PDE6A: variants seen among roughly 807,000 people sequenced by gnomAD.
PDE6A encodes the protein rod cGMP-specific 3',5'-cyclic phosphodiesterase subunit alpha.
Under a neutral mutation model 106.3 loss-of-function variants are expected in PDE6A, and 84 were observed. The observed-to-expected ratio is 0.79, with a 90% confidence interval of 0.66 to 0.95. The LOEUF (loss-of-function observed/expected upper bound fraction) is 0.95. Among genes scored for constraint, PDE6A ranks in the 40% least tolerant of loss-of-function variants. PDE6A has a pLI of 0.00. For synonymous variants in PDE6A, 394 were observed against 386.6 expected (o/e 1.02, Z -0.23); for missense variants, 1,052 against 1,084.9 (o/e 0.97, Z 0.43).
intron 17 of PDE6A, among the ~76,000 whole-genome samples, chr5:149,875,835 T>C (rs1760719187): frequency 6.6e-6 from 1 of 152,192 alleles, no homozygotes; most frequent in Admixed American, 6.5e-5. Flanking sequence ...TTACCCACAA[T>C]AAAAGCACAT....
intron 13 of PDE6A, among the ~76,000 whole-genome samples, chr5:149,889,031 T>TGA (rs992375660): frequency 1.5e-5 from 2 of 135,336 alleles, no homozygotes; most frequent in African/African-American, 5.9e-5. Context: ...TGCAATGAGC[T>TGA]GAGATGTGCC....
rs896643767 is a variant in PDE6A at position 149,876,349 on chromosome 5, CTTTTTTTTT to C, written c.2135+7071_2135+7079del. The stretch of plus-strand genomic sequence containing the variant: ...CACCTATTTTTTGCCCATTTTTCCT[CTTTTTTTTT>C]TTTTTTTTTTTTTAACCAGAGTCTC... On this transcript the variant is annotated intron_variant, in intron 17 of 21. Transcript: ENST00000255266. Among the ~76,000 whole-genome samples, 7 of 120,128 alleles carry C rather than the reference CTTTTTTTTT, an allele frequency of 5.8e-5. No homozygotes were observed. The South Asian group carries it at 1.3e-3, about 23-fold the overall frequency. The allele number at this position is 120,128 out of a possible 152,430, so 78.8% of individuals were successfully genotyped here. A position where few individuals can be genotyped will look rare whatever the true frequency, so the allele number is the denominator to read the frequency against.
chr5:149,876,721 G>A (rs549352698), intron 17 of PDE6A, among the ~76,000 whole-genome samples: 3 of 152,196 alleles, frequency 2.0e-5, no homozygotes, highest in African/African-American at 7.2e-5. Flanking sequence ...CCCCAGGCTG[G>A]TCTTGAACCT....
intron 3 of PDE6A, 35 bp downstream of exon 3, chr5:149,933,895 G>C: frequency 2.7e-6 from 4 of 1,463,274 alleles, no homozygotes; most frequent in Non-Finnish European, 3.8e-6. Flanking sequence ...GGGAAAGGAC[G>C]AGTCAAGTCC....
intron 4 of PDE6A, among the ~76,000 whole-genome samples, chr5:149,929,257 A>G (rs1007363210): frequency 6.6e-6 from 1 of 152,232 alleles, no homozygotes. Context: ...TAGATTGTAC[A>G]TATGATGGAA....
chr5:149,944,450 T>G lies in PDE6A; in HGVS notation c.224A>C (p.Glu75Ala). Residue 75 changes from glutamate (E) to alanine (A), a missense_variant, in exon 1 of 22, where the codon GAG becomes GCG. This residue lies in a region of PDE6A where 913 missense variants were observed against 915.2 expected (regional missense o/e 1.00). Transcript: ENST00000255266. ...CTTCATGACATTGAAGATGCATTTCTCTGTCTGTAAATTCTCCTGAAAGTC... is the reference window on the plus strand; with the variant it reads ...CTTCATGACATTGAAGATGCATTTCGCTGTCTGTAAATTCTCCTGAAAGTC... The part of the protein sequence containing the change: ...LRDFQENLQT[E>A]KCIFNVMKKL... The G allele has an allele frequency of 6.2e-7, 1 of 1,614,150 alleles. No individual in the cohort carries two copies.
chr5:149,886,355 T>C lies in PDE6A; in HGVS notation c.1748A>G (p.Tyr583Cys), dbSNP rs770071916. ...GGCCAAGGCCTCTAGGTCCGTGAAG[T>C]AGCGCTTCAGCTTTCCCGTCTGGAA... ...SLLVTGKLKR[Y>C]FTDLEALAMV... The change falls in exon 14 of 22, where the codon TAC becomes TGC. Residue 583 changes from tyrosine to cysteine, a missense_variant. Physicochemically the swap from Tyr to Cys is radical, Grantham distance 194. This residue lies in a region of PDE6A where 913 missense variants were observed against 915.2 expected (regional missense o/e 1.00). Transcript: ENST00000255266. 6.2e-7 allele frequency: 1 copy of C among 1,613,894 alleles called. No homozygotes were observed. The highest frequency in any genetic ancestry group is 1.7e-5 in the Admixed American group (1 of 60,014).
At chr5:149,900,348 A>G (rs1752920248) in intron 8 of PDE6A, among the ~76,000 whole-genome samples, 1 of 110,616 alleles carries the variant, frequency 9.0e-6, no homozygotes, top group South Asian at 3.7e-4. Context: ...GGCAACAGAC[A>G]GAGACTCCAT....
At chr5:149,934,180 T>C (rs141097054) in intron 2 of PDE6A, among the ~76,000 whole-genome samples, 161 bp from the exon 3 acceptor site, 2 of 152,358 alleles carry the variant, frequency 1.3e-5, no homozygotes, top group East Asian at 3.9e-4. Flanking sequence ...TGCATGAGCA[T>C]AAAACTCACC....
At chr5:149,943,890 G>GC (rs1394561444) in intron 1 of PDE6A, among the ~76,000 whole-genome samples, 1 of 152,278 alleles carries the variant, frequency 6.6e-6, no homozygotes, top group African/African-American at 2.4e-5. Context: ...CAGACAAAGG[G>GC]CATGATGTCT....
chr5:149,937,770 A>G (rs77425973), intron 1 of PDE6A, among the ~76,000 whole-genome samples: 1,705 of 152,300 alleles, frequency 0.011, 15 homozygotes, highest in Middle Eastern at 0.031. Context: ...GCTCTGTTGC[A>G]TCTCATGATG....
At chr5:149,941,815 C>T (rs561855100) in intron 1 of PDE6A, among the ~76,000 whole-genome samples, 15 of 152,338 alleles carry the variant, frequency 9.8e-5, no homozygotes, top group African/African-American at 3.4e-4. Flanking sequence ...TCTGAGACAA[C>T]TGACAGAAAC....
chr5:149,865,068 C>A (rs571694239), intron 20 of PDE6A, among the ~76,000 whole-genome samples: 1 of 151,950 alleles, frequency 6.6e-6, no homozygotes, highest in African/African-American at 2.4e-5. Flanking sequence ...GGCAAAACCC[C>A]GTCTCTACTA....
At position 149,858,102 on chromosome 5, in the gene PDE6A, A is replaced by G. The variant is rs921100849; in HGVS notation, c.*2793T>C. 6.6e-6 allele frequency: 1 copy of G among 152,254 alleles called. No individual in the cohort carries two copies. The allele number at this position is 152,254 out of a possible 1,614,324, so 9.4% of individuals were successfully genotyped here. ...TGGAAAAAAGGAAGGAGTACTTTGT[A>G]GATTAAAAGAGACTTCAGAAACTTA... On this transcript the variant is annotated 3_prime_UTR_variant, in exon 22 of 22. Transcript: ENST00000255266.
Position 149,944,356 on chromosome 5 carries a change from T to G in PDE6A, c.318A>C (p.Ala106=). The G allele has an allele frequency of 6.2e-7, 1 of 1,614,178 alleles. No individual in the cohort carries two copies. The highest frequency in any genetic ancestry group is 8.5e-7 in the Non-Finnish European group (1 of 1,180,016). Residue 106 remains alanine, a synonymous_variant, in exon 1 of 22, where the codon GCA becomes GCC. Transcript: ENST00000255266. ...LFMYRTRNGI[A]ELATRLFNVH... ...CATTGAAAAGCCTGGTGGCCAGCTC[T>G]GCGATGCCATTGCGGGTCCGGTACA...
intron 4 of PDE6A, among the ~76,000 whole-genome samples, chr5:149,924,917 G>A (rs982029390): frequency 6.6e-6 from 1 of 152,166 alleles, no homozygotes. Context: ...AGCCTGCCAA[G>A]GAGGAGAGAC....
intron 3 of PDE6A, chr5:149,932,299 G>A (rs61743000): frequency 7.0e-7 from 1 of 1,419,478 alleles, no homozygotes; most frequent in Non-Finnish European, 9.9e-7. Context: ...CTTTTTAGTC[G>A]GCCAACTGCA....
chr5:149,882,616 A>T (rs1472448206), intron 17 of PDE6A, among the ~76,000 whole-genome samples: 4 of 152,100 alleles, frequency 2.6e-5, no homozygotes, highest in African/African-American at 9.7e-5. Context: ...TCCCATTACC[A>T]ACCATGCCAG....
At chr5:149,943,389 C>G (rs187362063) in intron 1 of PDE6A, among the ~76,000 whole-genome samples, 2 of 152,292 alleles carry the variant, frequency 1.3e-5, no homozygotes, top group African/African-American at 2.4e-5. Flanking sequence ...TAGTACAGAA[C>G]AAAATGGAGT....
Sources: allele counts gnomAD v4.1 joint callset (sites outside exome capture counted in the v4.1 genomes callset), GRCh38; gene constraint gnomAD v4.1.1; regional missense constraint gnomAD v4.1.1; transcripts MANE v1.5; gene names NCBI Gene and HGNC (gene_info 2026-07-23, HGNC 2026-07-21).